TNFRSF1B: variants seen among roughly 807,000 people sequenced by gnomAD.
TNFRSF1B encodes TNF receptor superfamily member 1B, also known as tumor necrosis factor receptor superfamily member 1B.
A neutral mutation model predicts 44.6 loss-of-function variants in TNFRSF1B; 19 were observed. The ratio of observed to expected loss-of-function variants is 0.43; its 90% CI spans 0.30 to 0.62. The LOEUF is 0.62. Among genes scored for constraint, TNFRSF1B ranks in the 20% least tolerant of loss-of-function variants. TNFRSF1B has a pLI of 0.16. For synonymous variants in TNFRSF1B, 252 were observed against 261.1 expected, an observed-to-expected ratio of 0.97 and a Z score of 0.34; for missense variants, 541 against 619.9, an observed-to-expected ratio of 0.87 and a Z score of 1.35.
intron 1 of TNFRSF1B, among the ~76,000 whole-genome samples, chr1:12,176,544 AC>A (rs1372339716): frequency 4.0e-5 from 6 of 151,742 alleles, no homozygotes; most frequent in African/African-American, 1.5e-4. Context: ...ACAAAACAAA[AC>A]CCCCTCAAGG....
chr1:12,189,245 A>T (rs1448417318), intron 2 of TNFRSF1B, among the ~76,000 whole-genome samples: 1 of 152,106 alleles, frequency 6.6e-6, no homozygotes, highest in Non-Finnish European at 1.5e-5. Context: ...AGGAGGCAGC[A>T]CTCAGCTTGA....
In TNFRSF1B at chr1:12,207,155, C is replaced by A; in HGVS notation, c.*135C>A. ...CTTTCTGGGCCAAGTTCCTCTAGTGCCCTCCACAGCCGCAGCCTCCCTCTG... is the reference window on the plus strand; with the variant it reads ...CTTTCTGGGCCAAGTTCCTCTAGTGACCTCCACAGCCGCAGCCTCCCTCTG... On this transcript the variant is annotated 3_prime_UTR_variant, in exon 10 of 10. Transcript: ENST00000376259. 2.2e-6 allele frequency: 2 copies of A among 926,998 alleles called. No homozygotes were observed. Among genetic ancestry groups the A allele is most frequent in the Non-Finnish European group, 3.0e-6 (2 of 657,722 alleles). The allele number at this position is 926,998 out of a possible 1,614,324, so 57.4% of individuals were successfully genotyped here. A position where few individuals can be genotyped will look rare whatever the true frequency, so the allele number is the denominator to read the frequency against.
intron 9 of TNFRSF1B, among the ~76,000 whole-genome samples, chr1:12,203,459 C>A (rs567393186): frequency 6.6e-6 from 1 of 152,290 alleles, no homozygotes; most frequent in East Asian, 1.9e-4. Flanking sequence ...ACTCATGCCA[C>A]CCCTGCCTGC....
At chr1:12,183,566 AATCT>A (rs1459842107) in intron 1 of TNFRSF1B, among the ~76,000 whole-genome samples, 1 of 150,738 alleles carries the variant, frequency 6.6e-6, no homozygotes, top group Non-Finnish European at 1.5e-5. Context: ...CTATTTATCT[AATCT>A]ATCATCTATC....
At chr1:12,174,166 C>CTTCTTCTTCTTCTTCTTCTTCTTCTT (rs1557623710) in intron 1 of TNFRSF1B, among the ~76,000 whole-genome samples, 1 of 55,874 alleles carries the variant, frequency 1.8e-5, no homozygotes, top group Non-Finnish European at 3.5e-5. Flanking sequence ...TTCTTCTTCT[C>CTTCTTCTTCTTCTTCTTCTTCTTCTT]CTTCTCCTTC....
At chr1:12,183,719 ACC>A (rs1557629104) in intron 1 of TNFRSF1B, among the ~76,000 whole-genome samples, 24 of 104,746 alleles carry the variant, frequency 2.3e-4, no homozygotes, top group East Asian at 1.3e-3. Flanking sequence ...TATTCTATCT[ACC>A]TATCTATCTA....
chr1:12,191,208 A>C (rs1639114116), intron 3 of TNFRSF1B, 123 bp downstream of exon 3: 30 of 1,339,866 alleles, frequency 2.2e-5, no homozygotes, highest in Non-Finnish European at 3.0e-5. Flanking sequence ...GAAGTGGCAC[A>C]GGTGCAGCTG....
Position 12,192,482 on chromosome 1 carries a change from C to G in TNFRSF1B, c.509C>G (p.Ser170Cys). The G allele has an allele frequency of 6.2e-7, 1 of 1,614,186 alleles. No homozygotes were observed. Among genetic ancestry groups the G allele is most frequent in the Non-Finnish European group, 8.5e-7 (1 of 1,180,030 alleles). The change falls in exon 5 of 10, where the codon TCC (serine) becomes TGC (cysteine). Residue 170 changes from serine to cysteine, a missense_variant. Physicochemically the swap from Ser to Cys is moderately radical, Grantham distance 112. Transcript: ENST00000376259. ...VCKPCAPGTFSNTTSSTDICR... is the reference protein window; with the variant it reads ...VCKPCAPGTFCNTTSSTDICR... ...AAGCCCTGTGCCCCGGGGACGTTCT[C>G]CAACACGACTTCATCCACGGATATT...
chr1:12,191,009 C>T lies in TNFRSF1B; in HGVS notation c.231C>T (p.Ser77=), dbSNP rs1341281585. 2 of 1,614,208 alleles carry T rather than the reference C, an allele frequency of 1.2e-6. No individual in the cohort carries two copies. Among genetic ancestry groups the T allele is most frequent in the East Asian group, 4.5e-5 (2 of 44,892 alleles). The change falls in exon 3 of 10, where the codon TCC becomes TCT. Residue 77 remains serine (S), a synonymous_variant. Transcript: ENST00000376259. ...AGACCTCGGACACCGTGTGTGACTC[C>T]TGTGAGGACAGCACATACACCCAGC... ...CTKTSDTVCD[S]CEDSTYTQLW...
chr1:12,167,258 C>G, intron 1 of TNFRSF1B, 89 bp downstream of exon 1: 1 of 1,026,422 alleles, frequency 9.7e-7, no homozygotes, highest in Non-Finnish European at 1.3e-6. Context: ...GCCGCGCTCT[C>G]CCGGGGCGCT....
intron 1 of TNFRSF1B, among the ~76,000 whole-genome samples, chr1:12,175,185 G>A (rs1349549384): frequency 1.3e-5 from 2 of 152,254 alleles, no homozygotes; most frequent in East Asian, 1.9e-4. Context: ...GCCAGAGGCC[G>A]TGGGAGTGGG....
chr1:12,206,681 TC>T, intron 9 of TNFRSF1B, 58 bp from the exon 10 acceptor site: 1 of 1,489,454 alleles, frequency 6.7e-7, no homozygotes, highest in Non-Finnish European at 9.0e-7. Context: ...TGGGCAGGGG[TC>T]CCTGGGCCCC....
chr1:12,189,173 G>A (rs1423824609), intron 2 of TNFRSF1B, among the ~76,000 whole-genome samples: 4 of 152,276 alleles, frequency 2.6e-5, no homozygotes, highest in South Asian at 2.1e-4. Context: ...CTGCCCAGCC[G>A]GTGGAGGAGG....
intron 1 of TNFRSF1B, among the ~76,000 whole-genome samples, chr1:12,184,993 G>A (rs527579609): frequency 4.6e-4 from 70 of 152,322 alleles, no homozygotes; most frequent in African/African-American, 1.5e-3. Context: ...CCGTTCGGTC[G>A]GAGGGGGATA....
intron 8 of TNFRSF1B, among the ~76,000 whole-genome samples, chr1:12,201,068 CAT>C (rs1192711320): frequency 6.6e-6 from 1 of 152,028 alleles, no homozygotes; most frequent in African/African-American, 2.4e-5. Flanking sequence ...GCCTGGGTAA[CAT>C]AGCACAACCC....
chr1:12,198,810 C>T (rs1161595114), intron 8 of TNFRSF1B, among the ~76,000 whole-genome samples: 1 of 151,164 alleles, frequency 6.6e-6, no homozygotes, highest in Non-Finnish European at 1.5e-5. Flanking sequence ...CCTGCCTCAG[C>T]CTCCCAAGTA....
In TNFRSF1B at chr1:12,194,633, T is replaced by C. The variant is rs751534213; in HGVS notation, c.900+15T>C. The C allele has an allele frequency of 6.2e-7, 1 of 1,613,948 alleles. No individual in the cohort carries two copies. The highest frequency in any genetic ancestry group is 8.5e-7 in the Non-Finnish European group (1 of 1,179,818). On this transcript the variant is annotated intron_variant, in intron 8 of 9. Coordinates refer to ENST00000376259, the MANE Select transcript of TNFRSF1B (RefSeq NM_001066.3). ...AAGCCAAGGTGGTGAGTGTCTCCAC[T>C]GCCCTCTCCCCCTCTTCCCCTGGTC...
In TNFRSF1B at chr1:12,167,106, C is replaced by T. The variant is rs761486003; in HGVS notation, c.15C>T (p.Ala5=). The T allele has an allele frequency of 3.0e-6, 4 of 1,340,986 alleles. No individual in the cohort carries two copies. The Admixed American group carries it at 9.7e-5, about 32-fold the overall frequency. The allele number at this position is 1,340,986 out of a possible 1,614,324, so 83.1% of individuals were successfully genotyped here. The change falls in exon 1 of 10, where the codon GCC becomes GCT. Residue 5 remains alanine (A), a synonymous_variant. Coordinates refer to ENST00000376259, the MANE Select transcript of TNFRSF1B (RefSeq NM_001066.3). ...CGCCCGCACCCATGGCGCCCGTCGC[C>T]GTCTGGGCCGCGCTGGCCGTCGGAC... MAPV[A]VWAALAVGLE... is the part of the protein sequence containing the mutation.
chr1:12,198,209 G>A (rs1639311798), intron 8 of TNFRSF1B, among the ~76,000 whole-genome samples: 2 of 151,692 alleles, frequency 1.3e-5, no homozygotes, highest in Admixed American at 1.3e-4. Flanking sequence ...ACCCACGTCT[G>A]ATAACAGGTG....
Sources: gnomAD v4.1 joint callset for allele counts (sites outside exome capture counted in the v4.1 genomes callset) on GRCh38, gnomAD v4.1.1 for gene constraint, MANE v1.5 for transcripts, NCBI Gene and HGNC (gene_info 2026-07-23, HGNC 2026-07-21) for gene names.